Variants in IL17REL observed in about 807,000 individuals in gnomAD.
IL17REL encodes interleukin 17 receptor E like.
A neutral mutation model predicts 49.0 loss-of-function variants in IL17REL; 36 were observed. The ratio of observed to expected loss-of-function variants is 0.73; its 90% CI spans 0.56 to 0.97. The LOEUF (loss-of-function observed/expected upper bound fraction) is 0.97. Among genes scored for constraint, IL17REL ranks in the 50% least tolerant of loss-of-function variants. The pLI is 0.00. For synonymous variants in IL17REL, 206 were observed against 192.4 expected (o/e 1.07, Z -0.58); for missense variants, 470 against 453.9 (o/e 1.04, Z -0.32).
At position 50,001,777 on chromosome 22, in the gene IL17REL, A is replaced by G. The variant is rs1453084833; in HGVS notation, c.-41-546T>C. Among the ~76,000 whole-genome samples the G allele has an allele frequency of 2.0e-5, 3 of 152,184 alleles. No individual in the cohort carries two copies. The East Asian group carries it at 5.8e-4, about 29-fold the overall frequency. ...CGTGGGCAGTGTGGAGCTGGGTATC[A>G]TTTTGGGCACTGGGGGCTTTGCTCA... On this transcript the variant is annotated intron_variant, in intron 1 of 12. Coordinates refer to ENST00000341280, the Ensembl canonical transcript of IL17REL.
At chr22:50,003,541 A>AAAAC (rs2061090532) in intron 1 of IL17REL, among the ~76,000 whole-genome samples, 1 of 150,800 alleles carries the variant, frequency 6.6e-6, no homozygotes. Flanking sequence ...AAAAAAAAAA[A>AAAAC]AAGGCTGGGC....
At chr22:50,010,044 C>T (rs2061130505), upstream of IL17REL, among the ~76,000 whole-genome samples, 1 of 152,228 alleles carries the variant, frequency 6.6e-6, no homozygotes, top group Admixed American at 6.5e-5. Context: ...GGGTCCAGCG[C>T]AGGACCCCAC....
chr22:50,009,519 GCC>G (rs1601894048), upstream of IL17REL, among the ~76,000 whole-genome samples: 1 of 152,132 alleles, frequency 6.6e-6, no homozygotes, highest in East Asian at 1.9e-4. Flanking sequence ...CAGAGTCCAG[GCC>G]CCCTGGGGGC....
At chr22:50,001,191 G>A in exon 2 of IL17REL, 4 of 1,589,686 alleles carry the variant, frequency 2.5e-6, no homozygotes, top group South Asian at 1.1e-5. Flanking sequence ...ACCTGGACAT[G>A]GACACGGGGC....
At chr22:50,001,205 G>T in exon 2 of IL17REL, 1 of 1,507,288 alleles carries the variant, frequency 6.6e-7, no homozygotes. Flanking sequence ...ACGGGGCGTG[G>T]CCGGCAGAAG....
At chr22:50,009,467 G>C (rs976589506), upstream of IL17REL, among the ~76,000 whole-genome samples, 20 of 152,328 alleles carry the variant, frequency 1.3e-4, no homozygotes, top group African/African-American at 4.8e-4. Context: ...AGGTCCGAGA[G>C]CACAGGGTGG....
chr22:49,999,980 G>C lies in IL17REL; in HGVS notation c.335-13C>G. 1 of 1,495,142 alleles carries C rather than the reference G, an allele frequency of 6.7e-7. No individual in the cohort carries two copies. Among genetic ancestry groups the C allele is most frequent in the Non-Finnish European group, 8.9e-7 (1 of 1,118,112 alleles). 92.6% of individuals were successfully genotyped at this position (1,495,142 alleles called of 1,614,324 possible). On this transcript the variant is annotated splice_polypyrimidine_tract_variant and intron_variant, in intron 4 of 12. Coordinates refer to ENST00000341280, the Ensembl canonical transcript of IL17REL. ...CTGAGCTTCCCCGCTGCAGGAGGCG[G>C]CAAGTCGGGGCCGCGCTGGGACCAG...
chr22:49,991,886 T>C (rs866275265), downstream of IL17REL, among the ~76,000 whole-genome samples: 1 of 152,184 alleles, frequency 6.6e-6, no homozygotes, highest in African/African-American at 2.4e-5. Flanking sequence ...GGTCCTGACA[T>C]GTGCCTGAGG....
intron 1 of IL17REL, among the ~76,000 whole-genome samples, chr22:50,008,414 G>A (rs547508302): frequency 1.3e-5 from 2 of 152,310 alleles, no homozygotes; most frequent in African/African-American, 4.8e-5. Context: ...GGGACTCTCT[G>A]GCAGGCCCAC....
intron 1 of IL17REL, among the ~76,000 whole-genome samples, chr22:50,002,481 C>CTTTCT (rs1163927337): frequency 2.7e-5 from 4 of 147,748 alleles, no homozygotes; most frequent in African/African-American, 7.5e-5. Flanking sequence ...AAATCCAACT[C>CTTTCT]TTTCTTTTCT....
intron 1 of IL17REL, among the ~76,000 whole-genome samples, chr22:50,005,170 AG>A (rs1279398778): frequency 2.6e-5 from 4 of 152,248 alleles, no homozygotes; most frequent in South Asian, 4.1e-4. Context: ...TGTAGAAGGA[AG>A]GGTGAGTAAA....
chr22:49,997,051 A>G (rs5771069), exon 12 of IL17REL: 822,072 of 1,558,162 alleles, frequency 0.53, 220,840 homozygotes, highest in South Asian at 0.76. Flanking sequence ...GGAAGGCAAA[A>G]GCAGGGGCGG....
At chr22:50,006,691 C>T (rs531785936) in intron 1 of IL17REL, among the ~76,000 whole-genome samples, 2 of 152,180 alleles carry the variant, frequency 1.3e-5, no homozygotes, top group Admixed American at 6.6e-5. Context: ...CAGTGGCTCA[C>T]GCCTGTAATC....
At chr22:49,998,234 G>T in exon 8 of IL17REL, 3 of 1,612,572 alleles carry the variant, frequency 1.9e-6, no homozygotes, top group Non-Finnish European at 2.5e-6. Flanking sequence ...CACAGGGCAG[G>T]CGGGCTCCCA....
chr22:50,000,868 G>T lies in IL17REL; in HGVS notation c.110-5C>A, dbSNP rs1485971100. ...CCTCCAGGCCCCGCAGGCGCTCTGG[G>T]TGGAGGAAGGACCCGGCAGGGTGCA... On this transcript the variant is annotated splice_polypyrimidine_tract_variant and splice_region_variant and intron_variant, in intron 2 of 12. Transcript: ENST00000341280. The T allele has an allele frequency of 6.5e-7, 1 of 1,537,210 alleles. No individual in the cohort carries two copies. The highest frequency in any genetic ancestry group is 2.0e-5 in the Admixed American group (1 of 49,040).
chr22:50,000,507 A>G (rs2061071445), exon 4 of IL17REL: 1 of 1,613,264 alleles, frequency 6.2e-7, no homozygotes, highest in Non-Finnish European at 8.5e-7. Context: ...GTCCAGCTGG[A>G]CCCCGCAGAA....
At chr22:50,009,139 G>C (rs1228359079), upstream of IL17REL, 1 of 150,218 alleles carries the variant, frequency 6.7e-6, no homozygotes, top group African/African-American at 2.5e-5. Flanking sequence ...GGGGGTGCAG[G>C]TTATAAATCT....
exon 13 of IL17REL, chr22:49,996,780 G>A: frequency 2.0e-6 from 1 of 500,074 alleles, no homozygotes. Context: ...GCCTCCTGCG[G>A]CCCCTGAGAG....
intron 7 of IL17REL, among the ~76,000 whole-genome samples, chr22:49,998,869 T>G (rs1487668380): frequency 1.3e-5 from 2 of 150,352 alleles, no homozygotes; most frequent in Non-Finnish European, 3.0e-5. Context: ...GCGTGTATGT[T>G]CATGGGTGTC....
Sources: allele counts gnomAD v4.1 joint callset (sites outside exome capture counted in the v4.1 genomes callset), GRCh38; gene constraint gnomAD v4.1.1; transcripts MANE v1.5; gene names NCBI Gene and HGNC (gene_info 2026-07-23, HGNC 2026-07-21).